ACTR3C: variants seen among roughly 807,000 people sequenced by gnomAD.
The protein encoded by ACTR3C is actin related protein 3C.
ACTR3C carries 18 observed loss-of-function variants against 26.3 expected under a neutral mutation model. The observed-to-expected ratio is 0.68, with a 90% CI of 0.47 to 1.01. ACTR3C has a LOEUF of 1.01. Among genes scored for constraint, ACTR3C ranks in the 50% least tolerant of loss-of-function variants. The probability of loss-of-function intolerance (pLI) is 0.00; values close to 1 mark genes in which losing one functional copy is unlikely to be tolerated. For synonymous variants in ACTR3C, 55 were observed against 94.5 expected (o/e 0.58, Z 2.42); for missense variants, 184 against 250.7 (o/e 0.73, Z 1.80).
chr7:150,039,784 G>GA, the ACTR3C span, among the ~76,000 whole-genome samples: 8 of 124,058 alleles, frequency 6.4e-5, no homozygotes, highest in African/African-American at 2.0e-4. Flanking sequence ...GCCAGGGGGG[G>GA]AAGAGGGACT....
chr7:149,981,301 C>A, the ACTR3C span, among the ~76,000 whole-genome samples: 1 of 152,012 alleles, frequency 6.6e-6, no homozygotes, highest in East Asian at 1.9e-4. Flanking sequence ...CATGGACAAT[C>A]AAGATGCAGC....
chr7:150,225,720 A>T, the ACTR3C span, among the ~76,000 whole-genome samples: 1 of 152,214 alleles, frequency 6.6e-6, no homozygotes, highest in African/African-American at 2.4e-5. Context: ...CACATTCTGC[A>T]TTCCATTCTA....
the ACTR3C span, among the ~76,000 whole-genome samples, chr7:149,990,812 G>A: frequency 6.6e-6 from 1 of 152,208 alleles, no homozygotes. Context: ...TGGAGATGGA[G>A]TGGGCAGGCA....
the ACTR3C span, among the ~76,000 whole-genome samples, chr7:150,025,277 T>A: frequency 6.6e-6 from 1 of 151,782 alleles, no homozygotes; most frequent in Admixed American, 6.6e-5. Context: ...ATCAGTACAC[T>A]CTACCCTCTG....
the ACTR3C span, among the ~76,000 whole-genome samples, chr7:150,131,363 T>G: frequency 6.6e-6 from 1 of 151,728 alleles, no homozygotes; most frequent in Non-Finnish European, 1.5e-5. Flanking sequence ...CAAGTAACAC[T>G]ATTAAAGCTT....
chr7:150,108,900 C>G, the ACTR3C span, among the ~76,000 whole-genome samples: 1 of 151,536 alleles, frequency 6.6e-6, no homozygotes, highest in East Asian at 1.9e-4. Flanking sequence ...GCTGGAGAGG[C>G]AGCTGCAAGG....
chr7:149,994,234 G>A, the ACTR3C span, among the ~76,000 whole-genome samples: 1 of 152,162 alleles, frequency 6.6e-6, no homozygotes, highest in African/African-American at 2.4e-5. Context: ...AAGGAAAAAC[G>A]CACATGGAAG....
At chr7:149,961,149 T>C in the ACTR3C span, among the ~76,000 whole-genome samples, 1 of 151,864 alleles carries the variant, frequency 6.6e-6, no homozygotes, top group Admixed American at 6.5e-5. Context: ...ATAGGAAGTG[T>C]GTGCTCAGAA....
chr7:150,320,069 G>C (rs757681881), intron 1 of ACTR3C, among the ~76,000 whole-genome samples: 1 of 152,158 alleles, frequency 6.6e-6, no homozygotes, highest in African/African-American at 2.4e-5. Context: ...CTGGATTAAC[G>C]CTGGAAAGGG....
At chr7:150,044,010 AT>A in the ACTR3C span, among the ~76,000 whole-genome samples, 3 of 152,172 alleles carry the variant, frequency 2.0e-5, no homozygotes, top group Non-Finnish European at 4.4e-5. Context: ...ATGGGTGGTG[AT>A]TTGCTAATGT....
the ACTR3C span, among the ~76,000 whole-genome samples, chr7:150,205,225 A>T: frequency 6.6e-6 from 1 of 152,150 alleles, no homozygotes; most frequent in Non-Finnish European, 1.5e-5. Context: ...TTGTTCCTGG[A>T]GTCTAACTTA....
chr7:150,190,151 A>G, the ACTR3C span, among the ~76,000 whole-genome samples: 13 of 152,240 alleles, frequency 8.5e-5, no homozygotes, highest in African/African-American at 2.9e-4. Flanking sequence ...TTGCATTTCC[A>G]TAATGACTAA....
At chr7:149,990,397 C>G in the ACTR3C span, among the ~76,000 whole-genome samples, 1 of 131,652 alleles carries the variant, frequency 7.6e-6, no homozygotes, top group Non-Finnish European at 1.6e-5. Context: ...CAGCCCAGTG[C>G]AGGGACAGAG....
At chr7:150,035,432 G>A in the ACTR3C span, among the ~76,000 whole-genome samples, 1 of 79,550 alleles carries the variant, frequency 1.3e-5, no homozygotes, top group Non-Finnish European at 3.0e-5. Flanking sequence ...CTGGCTCTCA[G>A]TCCCTGACTC....
the ACTR3C span, among the ~76,000 whole-genome samples, chr7:149,973,376 C>G: frequency 6.6e-6 from 1 of 152,276 alleles, no homozygotes; most frequent in African/African-American, 2.4e-5. Flanking sequence ...TTATGAAATA[C>G]CACTTATTAT....
the ACTR3C span, among the ~76,000 whole-genome samples, chr7:149,901,131 CAT>C: frequency 1.3e-5 from 2 of 152,040 alleles, no homozygotes; most frequent in African/African-American, 2.4e-5. Flanking sequence ...TATTGAAGAA[CAT>C]ATATTATGCA....
the ACTR3C span, among the ~76,000 whole-genome samples, chr7:150,033,789 C>T: frequency 6.9e-6 from 1 of 144,998 alleles, no homozygotes; most frequent in Non-Finnish European, 1.5e-5. Context: ...TGGGGGTCCT[C>T]AGAGCCAGGG....
the ACTR3C span, among the ~76,000 whole-genome samples, chr7:150,067,790 G>C: frequency 1.4e-5 from 2 of 147,148 alleles, no homozygotes; most frequent in East Asian, 4.0e-4. Flanking sequence ...CACAACAAGG[G>C]GGTGGTGGGG....
the ACTR3C span, among the ~76,000 whole-genome samples, chr7:150,209,722 TACACACAC>T: frequency 6.1e-3 from 789 of 129,296 alleles, 4 homozygotes; most frequent in African/African-American, 9.5e-3. Flanking sequence ...CTACTAAAAA[TACACACAC>T]ACACACACAC....
Sources: allele counts gnomAD v4.1 joint callset (sites outside exome capture counted in the v4.1 genomes callset), GRCh38; gene constraint gnomAD v4.1.1; transcripts MANE v1.5; gene names NCBI Gene and HGNC (gene_info 2026-07-23, HGNC 2026-07-21).